LRRC8E: variants seen among roughly 807,000 people sequenced by gnomAD.
LRRC8E encodes leucine rich repeat containing 8 VRAC subunit E.
In LRRC8E, 6 loss-of-function variants were observed where a neutral mutation model predicts 6.1. The ratio of observed to expected loss-of-function variants is 0.98; its 90% CI spans 0.54 to 1.93. The LOEUF is 1.93. LRRC8E is among the 30% of genes most tolerant of loss of function. The pLI, the probability that LRRC8E is intolerant of heterozygous loss-of-function variation, is 0.01. For synonymous variants in LRRC8E, 485 were observed against 472.8 expected (o/e 1.03, Z -0.33); for missense variants, 1,028 against 1,031.4 (o/e 1.00, Z 0.04).
rs750031233 is a variant in LRRC8E, at chr19:7,898,818, A to G, written c.296A>G (p.Tyr99Cys). The G allele has an allele frequency of 6.2e-7, 1 of 1,614,196 alleles. No homozygotes were observed. Among genetic ancestry groups the G allele is most frequent in the Non-Finnish European group, 8.5e-7 (1 of 1,180,026 alleles). Residue 99 changes from tyrosine (Y) to cysteine (C), a missense_variant, in exon 3 of 3, where the codon TAC becomes TGC. Tyr to Cys is a radical substitution (Grantham distance 194). Coordinates refer to ENST00000306708, the MANE Select transcript of LRRC8E (RefSeq NM_025061.6). ...GLKNNLDLQQYSFINQLCYET... is the reference protein window; with the variant it reads ...GLKNNLDLQQCSFINQLCYET... ...AAGAACAATTTGGACCTGCAGCAAT[A>G]CAGCTTTATTAACCAGCTGTGTTAT...
In LRRC8E at chr19:7,895,688, G is replaced by A. The variant is rs143032857; in HGVS notation, c.85G>A (p.Glu29Lys). Residue 29 changes from glutamate to lysine, a missense_variant, in exon 2 of 3, where the codon GAG becomes AAG. Physicochemically the swap from Glu to Lys is moderately conservative, Grantham distance 56 (BLOSUM62 1). Transcript: ENST00000306708. The surrounding 1 kb of genome is among the most constrained non-coding windows in gnomAD (Gnocchi z 4.7). ...VLKPWWDVLAEYLTVAMLMIG... is the reference protein window; with the variant it reads ...VLKPWWDVLAKYLTVAMLMIG... ...CAAACCCTGGTGGGACGTGCTGGCCGAGTACCTCACCGTGGCCATGCTCAT... is the reference window on the plus strand; with the variant it reads ...CAAACCCTGGTGGGACGTGCTGGCCAAGTACCTCACCGTGGCCATGCTCAT... The A allele has an allele frequency of 2.8e-4, 456 of 1,614,108 alleles. No homozygotes were observed. The highest frequency in any genetic ancestry group is 3.6e-4 in the Non-Finnish European group (424 of 1,179,978).
rs553787989 is a variant in LRRC8E, at chr19:7,900,789, G to A, written c.2267G>A (p.Arg756His). ...ALSRLELKGNRLEALPEELGN... is the reference protein window; with the variant it reads ...ALSRLELKGNHLEALPEELGN... ...AGCCGCCTGGAGCTCAAAGGCAACCGCTTAGAGGCGCTGCCAGAAGAACTT... is the reference window on the plus strand; with the variant it reads ...AGCCGCCTGGAGCTCAAAGGCAACCACTTAGAGGCGCTGCCAGAAGAACTT... Residue 756 changes from arginine (R) to histidine (H), a missense_variant, in exon 3 of 3, where the codon CGC becomes CAC. Coordinates refer to ENST00000306708, the MANE Select transcript of LRRC8E (RefSeq NM_025061.6). This position sits in a 1 kb window ranked among gnomAD's most constrained non-coding sequence, Gnocchi z 5.0. 48 of 1,603,464 alleles carry A rather than the reference G, an allele frequency of 3.0e-5. No individual in the cohort carries two copies. The highest frequency in any genetic ancestry group is 3.3e-4 in the Middle Eastern group (2 of 6,014).
chr19:7,900,181 G>A lies in LRRC8E; in HGVS notation c.1659G>A (p.Val553=). Residue 553 remains valine, a synonymous_variant, in exon 3 of 3, where the codon GTG becomes GTA. Coordinates refer to ENST00000306708, the MANE Select transcript of LRRC8E (RefSeq NM_025061.6). The surrounding 1 kb of genome is among the most constrained non-coding windows in gnomAD (Gnocchi z 5.0). ...ACGCCGGGAAGGTGCCAGCCAGTGT[G>A]ACCGACGTTGCTGGCCACCTGCAGA... ...RSNAGKVPAS[V]TDVAGHLQRL... is the part of the protein sequence containing the mutation. 1 of 1,613,014 alleles carries A rather than the reference G, an allele frequency of 6.2e-7. No individual in the cohort carries two copies. Among genetic ancestry groups the A allele is most frequent in the Non-Finnish European group, 8.5e-7 (1 of 1,179,884 alleles).
In LRRC8E at chr19:7,900,820, C is replaced by T; in HGVS notation, c.2298C>T (p.Asn766=). The T allele has an allele frequency of 6.3e-7, 1 of 1,587,338 alleles. No homozygotes were observed. Among genetic ancestry groups the T allele is most frequent in the Non-Finnish European group, 8.6e-7 (1 of 1,166,530 alleles). The change falls in exon 3 of 3, where the codon AAC becomes AAT. Residue 766 remains asparagine (N), a synonymous_variant. Coordinates refer to ENST00000306708, the MANE Select transcript of LRRC8E (RefSeq NM_025061.6). This position sits in a 1 kb window ranked among gnomAD's most constrained non-coding sequence, Gnocchi z 5.0. ...RLEALPEELG[N]CGGLKKAGLL... ...AGGCGCTGCCAGAAGAACTTGGCAA[C>T]TGTGGGGGGCTCAAGAAGGCGGGGC...
rs745395721 is a variant in LRRC8E, at chr19:7,900,466, C to T, written c.1944C>T (p.His648=). 5 of 1,612,888 alleles carry T rather than the reference C, an allele frequency of 3.1e-6. No individual in the cohort carries two copies. Among genetic ancestry groups the T allele is most frequent in the African/African-American group, 1.3e-5 (1 of 74,940 alleles). ...WHNQIAYVPE[H]VRKLRSLEQL... ...ACCAGATCGCCTACGTCCCTGAGCA[C>T]GTGCGGAAGCTCAGGAGCCTGGAGC... The change falls in exon 3 of 3, where the codon CAC becomes CAT. Residue 648 remains histidine (H), a synonymous_variant. Transcript: ENST00000306708. This position sits in a 1 kb window ranked among gnomAD's most constrained non-coding sequence, Gnocchi z 5.0.
intron 1 of LRRC8E, 102 bp downstream of exon 1, chr19:7,888,702 T>A (rs1981145303): frequency 6.6e-6 from 1 of 152,036 alleles, no homozygotes; most frequent in South Asian, 2.1e-4. Context: ...CCGCTCCAGG[T>A]GCGCCGGCCC....
In LRRC8E at chr19:7,899,610, T is replaced by C. The variant is rs1206230238; in HGVS notation, c.1088T>C (p.Phe363Ser). ...MGDIPDVKND[F>S]AFMLHLIDQY... The stretch of plus-strand genomic sequence containing the variant: ...GACATTCCTGACGTCAAGAATGACT[T>C]CGCCTTCATGCTGCACCTCATCGAT... The change falls in exon 3 of 3, where the codon TTC (phenylalanine) becomes TCC (serine). Residue 363 changes from phenylalanine (F) to serine (S), a missense_variant. By Grantham distance (155) the Phe-to-Ser change is radical (BLOSUM62 -2). Transcript: ENST00000306708. The C allele has an allele frequency of 6.2e-7, 1 of 1,613,772 alleles. No individual in the cohort carries two copies. The highest frequency in any genetic ancestry group is 2.2e-5 in the East Asian group (1 of 44,894).
At chr19:7,892,323 C>T (rs532785276) in intron 1 of LRRC8E, among the ~76,000 whole-genome samples, 77 of 150,704 alleles carry the variant, frequency 5.1e-4, no homozygotes, top group Non-Finnish European at 9.0e-4. Context: ...CCACCCACCT[C>T]GGCCTCCCAA....
rs554184304 is a variant in LRRC8E at position 7,892,820 on chromosome 19, TTTCTC to T, written c.-5-2766_-5-2762del. ...CTGGGATATTTGTAGTCGGGTTTCTTTTCTCTTCTCTTCTCTTTTTTAGAGACAGG... is the reference window on the plus strand; with the variant it reads ...CTGGGATATTTGTAGTCGGGTTTCTTTTCTCTTCTCTTTTTTAGAGACAGG... On this transcript the variant is annotated intron_variant, in intron 1 of 2. Coordinates refer to ENST00000306708, the MANE Select transcript of LRRC8E (RefSeq NM_025061.6). 1.0e-3 allele frequency among the ~76,000 whole-genome samples: 156 copies of T among 152,230 alleles called. 1 individual carries two copies. The highest frequency in any genetic ancestry group is 3.1e-3 in the Admixed American group (48 of 15,290).
intron 1 of LRRC8E, chr19:7,893,540 C>CCATGACTTTT (rs1981423675): frequency 6.9e-6 from 1 of 145,902 alleles, no homozygotes; most frequent in Non-Finnish European, 1.5e-5. Context: ...GTCAGGGAAC[C>CCATGACTTTT]CATGACTTTT....
chr19:7,896,297 G>C (rs765701274), intron 2 of LRRC8E, among the ~76,000 whole-genome samples: 4 of 150,992 alleles, frequency 2.6e-5, no homozygotes, highest in Non-Finnish European at 5.9e-5. Flanking sequence ...ACAGGGGCCG[G>C]GCATGGTGGC....
chr19:7,890,468 G>A (rs1022507933), intron 1 of LRRC8E, among the ~76,000 whole-genome samples: 1 of 152,032 alleles, frequency 6.6e-6, no homozygotes, highest in Non-Finnish European at 1.5e-5. Context: ...ACGGCTCACT[G>A]CAACTTCCAC....
chr19:7,899,718 A>G lies in LRRC8E; in HGVS notation c.1196A>G (p.Asn399Ser). ...SESRLKQLNLNHEWTPEKLRQ... is the reference protein window; with the variant it reads ...SESRLKQLNLSHEWTPEKLRQ... Reference sequence around the variant, plus strand: ...AGCCGTCTAAAGCAGCTCAATCTCAACCACGAGTGGACGCCCGAGAAGCTT... The same window carrying G: ...AGCCGTCTAAAGCAGCTCAATCTCAGCCACGAGTGGACGCCCGAGAAGCTT... The change falls in exon 3 of 3, where the codon AAC becomes AGC. Residue 399 changes from asparagine to serine, a missense_variant. By Grantham distance (46) the Asn-to-Ser change is conservative. Transcript: ENST00000306708. 3 of 1,613,140 alleles carry G rather than the reference A, an allele frequency of 1.9e-6. No homozygotes were observed. Among genetic ancestry groups the G allele is most frequent in the Non-Finnish European group, 2.5e-6 (3 of 1,179,974 alleles).
At position 7,900,376 on chromosome 19, in the gene LRRC8E, C is replaced by A; in HGVS notation, c.1854C>A (p.Arg618=). The A allele has an allele frequency of 6.2e-7, 1 of 1,612,962 alleles. No homozygotes were observed. The highest frequency in any genetic ancestry group is 1.3e-5 in the African/African-American group (1 of 75,062). Residue 618 remains arginine, a synonymous_variant, in exon 3 of 3, where the codon CGC becomes CGA. Transcript: ENST00000306708. The surrounding 1 kb of genome is among the most constrained non-coding windows in gnomAD (Gnocchi z 5.0). ...TTGACCTCAAGGACAACCACCTGCGCTCCATCGAGGAAATCCTCAGCTTCC... is the reference window on the plus strand; with the variant it reads ...TTGACCTCAAGGACAACCACCTGCGATCCATCGAGGAAATCCTCAGCTTCC... ...QELDLKDNHL[R]SIEEILSFQH...
In LRRC8E at chr19:7,899,224, G is replaced by T. The variant is rs1599609501; in HGVS notation, c.702G>T (p.Leu234=). The part of the protein sequence containing the change: ...DKKEGEQAKA[L]FEKVKKFRMH... Reference sequence around the variant, plus strand: ...AGGAGGGTGAGCAAGCCAAAGCCCTGTTTGAGAAGGTGAAGAAGTTCCGCA... The same window carrying T: ...AGGAGGGTGAGCAAGCCAAAGCCCTTTTTGAGAAGGTGAAGAAGTTCCGCA... Residue 234 remains leucine (L), a synonymous_variant, in exon 3 of 3, where the codon CTG becomes CTT. Coordinates refer to ENST00000306708, the MANE Select transcript of LRRC8E (RefSeq NM_025061.6). 6.2e-7 allele frequency: 1 copy of T among 1,614,224 alleles called. No individual in the cohort carries two copies. Among genetic ancestry groups the T allele is most frequent in the African/African-American group, 1.3e-5 (1 of 75,072 alleles).
At chr19:7,892,918 G>A (rs988781994) in intron 1 of LRRC8E, among the ~76,000 whole-genome samples, 18 of 152,140 alleles carry the variant, frequency 1.2e-4, no homozygotes, top group African/African-American at 3.4e-4. Context: ...TCCGCCTCCC[G>A]GGTTCAAGGG....
chr19:7,892,508 T>A (rs1568262433), intron 1 of LRRC8E, among the ~76,000 whole-genome samples: 1 of 152,048 alleles, frequency 6.6e-6, no homozygotes, highest in East Asian at 1.9e-4. Context: ...GCACCCAGCC[T>A]GGGGTCAGCA....
intron 2 of LRRC8E, among the ~76,000 whole-genome samples, chr19:7,897,610 C>T (rs1981668191): frequency 6.6e-6 from 1 of 150,920 alleles, no homozygotes; most frequent in Non-Finnish European, 1.5e-5. Flanking sequence ...CGCTTGGCCC[C>T]CCCTCCCACT....
chr19:7,898,755 C>A lies in LRRC8E; in HGVS notation c.233C>A (p.Pro78His). ...PCQQLLPRGI[P>H]EQIGALQEVK... Reference sequence around the variant, plus strand: ...CAGCAATTGCTGCCTCGGGGGATCCCTGAGCAGATTGGGGCCCTGCAGGAG... The same window carrying A: ...CAGCAATTGCTGCCTCGGGGGATCCATGAGCAGATTGGGGCCCTGCAGGAG... Residue 78 changes from proline (P) to histidine (H), a missense_variant, in exon 3 of 3, where the codon CCT becomes CAT. Pro to His is a moderately conservative substitution (Grantham distance 77). Coordinates refer to ENST00000306708, the MANE Select transcript of LRRC8E (RefSeq NM_025061.6). The A allele has an allele frequency of 6.2e-7, 1 of 1,614,098 alleles. No homozygotes were observed. The highest frequency in any genetic ancestry group is 1.1e-5 in the South Asian group (1 of 91,090).
Sources: allele counts gnomAD v4.1 joint callset (sites outside exome capture counted in the v4.1 genomes callset), GRCh38; gene constraint gnomAD v4.1.1; non-coding constraint Gnocchi (gnomAD v3.1); transcripts MANE v1.5; gene names NCBI Gene and HGNC (gene_info 2026-07-23, HGNC 2026-07-21).